The following TMEM178B variants were observed in gnomAD, a reference collection of about 807,000 sequenced individuals.
TMEM178B encodes transmembrane protein 178B.
Under a neutral mutation model 31.0 loss-of-function variants are expected in TMEM178B, and 5 were observed. The observed-to-expected ratio is 0.16, with a 90% CI of 0.08 to 0.34. The LOEUF is 0.34. Ranked by LOEUF, TMEM178B falls within the 10% of genes least tolerant of loss-of-function variation. The pLI is 1.00. For synonymous variants in TMEM178B, 164 were observed against 164.0 expected (o/e 1.00, Z 0.00); for missense variants, 275 against 400.3 (o/e 0.69, Z 2.67).
At chr7:141,415,380 T>G (rs1317660260) in intron 2 of TMEM178B, 1 of 152,858 alleles carries the variant, frequency 6.5e-6, no homozygotes, top group Non-Finnish European at 1.5e-5. Flanking sequence ...CCAGACAGCA[T>G]TTCATGTAAA....
At chr7:141,132,660 TGCTA>T (rs1795612532) in intron 1 of TMEM178B, among the ~76,000 whole-genome samples, 2 of 152,110 alleles carry the variant, frequency 1.3e-5, no homozygotes, top group South Asian at 4.1e-4. Context: ...GGCTGGCTGA[TGCTA>T]CCACCACCAC....
At chr7:141,096,851 G>C (rs1794967800) in intron 1 of TMEM178B, among the ~76,000 whole-genome samples, 2 of 152,294 alleles carry the variant, frequency 1.3e-5, no homozygotes, top group South Asian at 4.1e-4. Flanking sequence ...CCCAGCACTT[G>C]GGGAAGCAGA....
intron 2 of TMEM178B, among the ~76,000 whole-genome samples, chr7:141,298,240 G>T (rs1464330881): frequency 1.3e-5 from 2 of 152,154 alleles, no homozygotes; most frequent in East Asian, 3.8e-4. Flanking sequence ...TCAGTTCTTT[G>T]TAGATTGTGG....
the TMEM178B span, among the ~76,000 whole-genome samples, chr7:141,510,422 AT>A: frequency 6.6e-6 from 1 of 152,144 alleles, no homozygotes; most frequent in Non-Finnish European, 1.5e-5. Context: ...GCGGTGGCTC[AT>A]GCCTGTAATC....
chr7:141,081,284 T>A (rs1001339293), intron 1 of TMEM178B, among the ~76,000 whole-genome samples: 7 of 152,036 alleles, frequency 4.6e-5, no homozygotes, highest in Non-Finnish European at 1.0e-4. Context: ...AACAAAAACG[T>A]TTCAAAAGTT....
intron 2 of TMEM178B, among the ~76,000 whole-genome samples, chr7:141,291,048 T>C (rs561476714): frequency 1.2e-4 from 19 of 152,260 alleles, no homozygotes; most frequent in African/African-American, 4.6e-4. Context: ...GGAGGTAAAA[T>C]TGTCAGCAGG....
In TMEM178B at chr7:141,422,943, G is replaced by GTCCCA. The variant is rs2116655088; in HGVS notation, c.497-14663_497-14659dup. ...TCACGCCTCTCTTTAGAACAGTGCT[G>GTCCCA]TCCCATGGAAATATCGTGCAAACCG... On this transcript the variant is annotated intron_variant, in intron 2 of 3. Coordinates refer to ENST00000565468, the MANE Select transcript of TMEM178B (RefSeq NM_001195278.2). This position sits in a 1 kb window ranked among gnomAD's most constrained non-coding sequence, Gnocchi z 4.2. Among the ~76,000 whole-genome samples the GTCCCA allele has an allele frequency of 6.6e-6, 1 of 152,298 alleles. No homozygotes were observed. The highest frequency in any genetic ancestry group is 2.4e-5 in the African/African-American group (1 of 41,556).
rs184487314 is a variant in TMEM178B, at chr7:141,450,227, C to G, written c.634+12482C>G. ...GATGCTATCAAAAGGTCAAGGACTT[C>G]CAAGATCTGGCTGTGAAGGAGGCAA... On this transcript the variant is annotated intron_variant, in intron 3 of 3. Coordinates refer to ENST00000565468, the MANE Select transcript of TMEM178B (RefSeq NM_001195278.2). Among the ~76,000 whole-genome samples the G allele has an allele frequency of 2.6e-5, 4 of 152,340 alleles. No individual in the cohort carries two copies. In the East Asian group the frequency reaches 7.7e-4, roughly 29 times the overall value.
At chr7:141,223,361 G>C (rs1172648479) in intron 2 of TMEM178B, among the ~76,000 whole-genome samples, 1 of 152,092 alleles carries the variant, frequency 6.6e-6, no homozygotes, top group Non-Finnish European at 1.5e-5. Flanking sequence ...ATGGAGTTGG[G>C]GTTACCAGGC....
intron 2 of TMEM178B, among the ~76,000 whole-genome samples, chr7:141,278,100 A>G (rs1356102721): frequency 6.6e-6 from 1 of 152,242 alleles, no homozygotes; most frequent in African/African-American, 2.4e-5. Flanking sequence ...AATTGGGAAT[A>G]TCTAAGAATT....
chr7:141,364,718 C>T (rs903926511), intron 2 of TMEM178B, among the ~76,000 whole-genome samples: 9 of 146,352 alleles, frequency 6.1e-5, no homozygotes, highest in Non-Finnish European at 1.2e-4. Context: ...GAAATGACCA[C>T]ACTACAGGCC....
the TMEM178B span, among the ~76,000 whole-genome samples, chr7:141,486,407 A>G: frequency 2.9e-4 from 44 of 152,214 alleles, no homozygotes; most frequent in Non-Finnish European, 4.1e-4. Context: ...CAAATTTTAA[A>G]AAAGAGCCCT....
intron 1 of TMEM178B, among the ~76,000 whole-genome samples, chr7:141,128,546 A>C (rs1795542480): frequency 6.6e-6 from 1 of 152,136 alleles, no homozygotes; most frequent in Non-Finnish European, 1.5e-5. Context: ...TCCTTGAAAA[A>C]AAAAAAGCTC....
At chr7:141,292,145 C>T (rs1250124861) in intron 2 of TMEM178B, among the ~76,000 whole-genome samples, 2 of 152,150 alleles carry the variant, frequency 1.3e-5, no homozygotes, top group African/African-American at 4.8e-5. Context: ...TTTCCTTCCA[C>T]CTGTGTGAAA....
intron 1 of TMEM178B, among the ~76,000 whole-genome samples, chr7:141,199,991 C>T (rs532138513): frequency 1.2e-4 from 18 of 151,996 alleles, no homozygotes; most frequent in African/African-American, 4.1e-4. Flanking sequence ...GCGGAGCTTG[C>T]AGTGAGCTGA....
intron 1 of TMEM178B, among the ~76,000 whole-genome samples, chr7:141,181,856 G>A (rs975365915): frequency 3.9e-5 from 6 of 152,160 alleles, no homozygotes; most frequent in Non-Finnish European, 4.4e-5. Flanking sequence ...TAGAATTATG[G>A]TGCTACTGGC....
intron 1 of TMEM178B, among the ~76,000 whole-genome samples, chr7:141,093,961 A>G (rs1160968267): frequency 1.3e-5 from 2 of 152,222 alleles, no homozygotes; most frequent in South Asian, 2.1e-4. Flanking sequence ...GAGTTTTGGT[A>G]TAAATATAAA....
chr7:141,151,193 A>C (rs531959832), intron 1 of TMEM178B, among the ~76,000 whole-genome samples: 7 of 152,326 alleles, frequency 4.6e-5, no homozygotes, highest in African/African-American at 1.7e-4. Context: ...AGTGTACAGC[A>C]TCCCTGTGTG....
chr7:141,423,739 G>T (rs1801258489), intron 2 of TMEM178B, among the ~76,000 whole-genome samples: 1 of 150,304 alleles, frequency 6.7e-6, no homozygotes, highest in Non-Finnish European at 1.5e-5. Flanking sequence ...GCCATGCTTT[G>T]TTCCCATGGA....
Sources: gnomAD v4.1 joint callset for allele counts (sites outside exome capture counted in the v4.1 genomes callset) on GRCh38, gnomAD v4.1.1 for gene constraint, Gnocchi (gnomAD v3.1) non-coding constraint, MANE v1.5 for transcripts, NCBI Gene and HGNC (gene_info 2026-07-23, HGNC 2026-07-21) for gene names.